Variants in DSG3 observed in about 807,000 individuals in gnomAD.
The protein encoded by DSG3 is desmoglein 3, also known as desmoglein-3.
A neutral mutation model predicts 85.9 loss-of-function variants in DSG3; 63 were observed. The ratio of observed to expected loss-of-function variants is 0.73; its 90% CI spans 0.60 to 0.90. DSG3 has a LOEUF of 0.90. Among genes scored for constraint, DSG3 ranks in the 40% least tolerant of loss-of-function variants. DSG3 has a pLI of 0.00. For missense variants in DSG3, 1,220 were observed against 1,219.9 expected, an observed-to-expected ratio of 1.00 and a Z score of 0.00; for synonymous variants, 447 against 441.9, an observed-to-expected ratio of 1.01 and a Z score of -0.14.
In DSG3 at chr18:31,472,322, G is replaced by A. The variant is rs1361651535; in HGVS notation, c.1936G>A (p.Gly646Ser). ...LLLLTCDCGA[G>S]STGGVTGGFI... Reference sequence around the variant, plus strand: ...GCTGTTGACCTGTGACTGTGGGGCAGGTTCTACTGGGGGAGTGACAGGTGG... The same window carrying A: ...GCTGTTGACCTGTGACTGTGGGGCAAGTTCTACTGGGGGAGTGACAGGTGG... Residue 646 changes from glycine (G) to serine (S), a missense_variant, in exon 13 of 16, where the codon GGT becomes AGT. Coordinates refer to ENST00000257189, the MANE Select transcript of DSG3 (RefSeq NM_001944.3). The A allele has an allele frequency of 2.5e-6, 4 of 1,614,166 alleles. No individual in the cohort carries two copies. The East Asian group carries it at 8.9e-5, about 36-fold the overall frequency.
chr18:31,456,441 TG>T lies in DSG3; in HGVS notation c.52del (p.Val18SerfsTer10). 1 of 1,351,768 alleles carries T rather than the reference TG, an allele frequency of 7.4e-7. No homozygotes were observed. Among genetic ancestry groups the T allele is most frequent in the Non-Finnish European group, 9.6e-7 (1 of 1,044,242 alleles). 83.7% of individuals were successfully genotyped at this position (1,351,768 alleles called of 1,614,324 possible). ...RTTGALAIFV[V>X]VILVHGELRI... is the part of the protein sequence containing the mutation. ...TCGACTTTATTTAAATGTCTGCAGG[TG>T]GTCATATTGGTTCATGGAGAATTGC... On this transcript the variant is annotated frameshift_variant and splice_region_variant, in exon 2 of 16. Transcript: ENST00000257189. LOFTEE classifies it high-confidence loss of function.
chr18:31,448,406 T>C (rs1217155533), intron 1 of DSG3, among the ~76,000 whole-genome samples: 2 of 152,196 alleles, frequency 1.3e-5, no homozygotes, highest in East Asian at 3.8e-4. Flanking sequence ...AGTGTTTGAC[T>C]CTAGAGAAGT....
intron 15 of DSG3, among the ~76,000 whole-genome samples, chr18:31,474,648 G>A (rs1055251700): frequency 4.6e-5 from 7 of 152,106 alleles, no homozygotes; most frequent in African/African-American, 1.4e-4. Context: ...CCAGCTACTC[G>A]GGAGGCTGAG....
chr18:31,464,083 C>T (rs2072801614), intron 8 of DSG3, 28 bp from the exon 9 acceptor site: 1 of 1,596,090 alleles, frequency 6.3e-7, no homozygotes, highest in South Asian at 1.1e-5. Context: ...TTTTGTGAAA[C>T]TGCCTTCTAA....
At chr18:31,454,137 G>A (rs1045357724) in intron 1 of DSG3, among the ~76,000 whole-genome samples, 2 of 152,038 alleles carry the variant, frequency 1.3e-5, no homozygotes, top group African/African-American at 4.8e-5. Flanking sequence ...CCTACTTCCT[G>A]GGAAAACAAA....
At chr18:31,473,037 T>C (rs953061611) in intron 14 of DSG3, among the ~76,000 whole-genome samples, 1 of 152,230 alleles carries the variant, frequency 6.6e-6, no homozygotes. Context: ...GTTATACTTT[T>C]TCCAAACTTT....
At chr18:31,462,590 T>A (rs141406635) in intron 8 of DSG3, among the ~76,000 whole-genome samples, 4 of 152,172 alleles carry the variant, frequency 2.6e-5, no homozygotes, top group Non-Finnish European at 2.9e-5. Flanking sequence ...ATTCTCTATC[T>A]TGTGTATTGG....
chr18:31,476,924 A>G lies in DSG3; in HGVS notation c.*664A>G, dbSNP rs2144252889. On this transcript the variant is annotated 3_prime_UTR_variant, in exon 16 of 16. Transcript: ENST00000257189. ...CAGTGAGCCGAGATTGCGCCACTGC[A>G]GTCCGCAGTCCGGCCTGGGCGACAG... 2 of 149,176 alleles carry G rather than the reference A, an allele frequency of 1.3e-5. No individual in the cohort carries two copies. Among genetic ancestry groups the G allele is most frequent in the African/African-American group, 4.9e-5 (2 of 40,510 alleles). The allele number at this position is 149,176 out of a possible 1,614,324, so 9.2% of individuals were successfully genotyped here.
rs1357861394 is a variant in DSG3, at chr18:31,458,477, C to T, written c.249C>T (p.Ile83=). 1.2e-6 allele frequency: 2 copies of T among 1,614,002 alleles called. No homozygotes were observed. The highest frequency in any genetic ancestry group is 1.7e-6 in the Non-Finnish European group (2 of 1,179,932). Residue 83 remains isoleucine (I), a synonymous_variant, in exon 4 of 16, where the codon ATC becomes ATT. Coordinates refer to ENST00000257189, the MANE Select transcript of DSG3 (RefSeq NM_001944.3). ...ITSDYQATQK[I]TYRISGVGID... is the part of the protein sequence containing the mutation. ...CAGATTACCAAGCAACCCAGAAAAT[C>T]ACCTACCGAATCTCTGGAGTGGGAA...
rs2072801177 is a variant in DSG3, at chr18:31,464,008, G to A, written c.1000-103G>A. ...AAGCTGTTTTGCTATTTAAAAACAA[G>A]AGAATTCATTCACAGCATCTTGCAT... is the stretch of plus-strand genomic sequence containing the variant. On this transcript the variant is annotated intron_variant, in intron 8 of 15. Coordinates refer to ENST00000257189, the MANE Select transcript of DSG3 (RefSeq NM_001944.3). 6 of 1,101,780 alleles carry A rather than the reference G, an allele frequency of 5.4e-6. No homozygotes were observed. The South Asian group carries it at 9.6e-5, about 18-fold the overall frequency. 68.3% of individuals were successfully genotyped at this position (1,101,780 alleles called of 1,614,324 possible). A position where few individuals can be genotyped will look rare whatever the true frequency, so the allele number is the denominator to read the frequency against.
intron 1 of DSG3, among the ~76,000 whole-genome samples, chr18:31,451,171 G>GCTTAT (rs940183764): frequency 2.0e-5 from 3 of 152,108 alleles, no homozygotes; most frequent in Admixed American, 1.3e-4. Flanking sequence ...GGTTGAAAAT[G>GCTTAT]CTTATCTTCA....
chr18:31,465,308 T>C lies in DSG3; in HGVS notation c.1272-10T>C. On this transcript the variant is annotated splice_polypyrimidine_tract_variant and intron_variant, in intron 9 of 15. Coordinates refer to ENST00000257189, the MANE Select transcript of DSG3 (RefSeq NM_001944.3). ...GAAAGAAAACTGATTTTTTTAATAT[T>C]ATGAAACAGATATGTCATGGGACGT... The C allele has an allele frequency of 7.2e-7, 1 of 1,391,496 alleles. No individual in the cohort carries two copies. Among genetic ancestry groups the C allele is most frequent in the Non-Finnish European group, 9.4e-7 (1 of 1,064,164 alleles). The allele number at this position is 1,391,496 out of a possible 1,614,324, so 86.2% of individuals were successfully genotyped here.
rs1273864444 is a variant in DSG3, at chr18:31,478,594, A to G, written c.*2334A>G. ...AACTTGTTTTAAGCATAAAATTTTAAAACTGTACTACTTGATGTATTATAC... is the reference window on the plus strand; with the variant it reads ...AACTTGTTTTAAGCATAAAATTTTAGAACTGTACTACTTGATGTATTATAC... On this transcript the variant is annotated 3_prime_UTR_variant, in exon 16 of 16. Coordinates refer to ENST00000257189, the MANE Select transcript of DSG3 (RefSeq NM_001944.3). 2 of 152,244 alleles carry G rather than the reference A, an allele frequency of 1.3e-5. No homozygotes were observed. The allele number at this position is 152,244 out of a possible 1,614,324, so 9.4% of individuals were successfully genotyped here.
chr18:31,473,563 C>T (rs2072868355), intron 14 of DSG3, among the ~76,000 whole-genome samples: 1 of 152,230 alleles, frequency 6.6e-6, no homozygotes, highest in Non-Finnish European at 1.5e-5. Flanking sequence ...CACTCCTCAC[C>T]TGCTTTTCCC....
Position 31,466,549 on chromosome 18 carries a change from T to C in DSG3, c.1431T>C (p.Ser477=). ...TTACAGAATACACGGGTAAAACTTC[T>C]ACAGGCACGGTATATGTTAGAGTAC... ...LAIDEYTGKT[S]TGTVYVRVPD... Residue 477 remains serine (S), a synonymous_variant, in exon 11 of 16, where the codon TCT becomes TCC. Coordinates refer to ENST00000257189, the MANE Select transcript of DSG3 (RefSeq NM_001944.3). 6.2e-7 allele frequency: 1 copy of C among 1,614,220 alleles called. No homozygotes were observed. Among genetic ancestry groups the C allele is most frequent in the South Asian group, 1.1e-5 (1 of 91,084 alleles).
rs2072890177 is a variant in DSG3 at position 31,476,650 on chromosome 18, C to T, written c.*390C>T. The T allele has an allele frequency of 6.1e-6, 1 of 163,458 alleles. No individual in the cohort carries two copies. The highest frequency in any genetic ancestry group is 1.3e-5 in the Non-Finnish European group (1 of 75,286). 10.1% of individuals were successfully genotyped at this position (163,458 alleles called of 1,614,324 possible). Reference sequence around the variant, plus strand: ...TTGTCTCCATTGCCTTTTCTTATATCATTGATAATGATGTAAGAATCACAA... The same window carrying T: ...TTGTCTCCATTGCCTTTTCTTATATTATTGATAATGATGTAAGAATCACAA... On this transcript the variant is annotated 3_prime_UTR_variant, in exon 16 of 16. Coordinates refer to ENST00000257189, the MANE Select transcript of DSG3 (RefSeq NM_001944.3).
intron 7 of DSG3, 107 bp from the exon 8 acceptor site, chr18:31,461,120 G>A: frequency 8.1e-7 from 1 of 1,241,398 alleles, no homozygotes; most frequent in Non-Finnish European, 1.1e-6. Flanking sequence ...GTAATAAGAA[G>A]AAGGAAATAC....
Position 31,460,974 on chromosome 18 carries a change from C to T in DSG3, c.813+13C>T, listed in dbSNP as rs1231945850. 3.8e-6 allele frequency: 6 copies of T among 1,570,740 alleles called. No homozygotes were observed. The highest frequency in any genetic ancestry group is 1.7e-4 in the Middle Eastern group (1 of 5,866). On this transcript the variant is annotated intron_variant, in intron 7 of 15. Transcript: ENST00000257189. Reference sequence around the variant, plus strand: ...TAGAGACTCTCAGGTACACCCATTGCTCCTTAAAGAATCATTTAGATATAT... The same window carrying T: ...TAGAGACTCTCAGGTACACCCATTGTTCCTTAAAGAATCATTTAGATATAT...
chr18:31,471,563 A>G (rs2072855770), intron 12 of DSG3, among the ~76,000 whole-genome samples: 1 of 152,204 alleles, frequency 6.6e-6, no homozygotes, highest in Non-Finnish European at 1.5e-5. Flanking sequence ...CAGAGGTGGC[A>G]GTGGGGCCAC....
Sources: allele counts gnomAD v4.1 joint callset (sites outside exome capture counted in the v4.1 genomes callset), GRCh38; gene constraint gnomAD v4.1.1; transcripts MANE v1.5; gene names NCBI Gene and HGNC (gene_info 2026-07-23, HGNC 2026-07-21).